SPATA3: variants seen among roughly 807,000 people sequenced by gnomAD.
SPATA3 encodes the protein spermatogenesis-associated protein 3.
A neutral mutation model predicts 5.7 loss-of-function variants in SPATA3; 6 were observed. The ratio of observed to expected loss-of-function variants is 1.06; its 90% CI spans 0.58 to 2.09. The LOEUF (loss-of-function observed/expected upper bound fraction) is 2.09, where lower values mean the gene tolerates loss of function less well. Ranked by LOEUF, SPATA3 falls within the 30% of genes most tolerant of loss-of-function variation. The pLI is 0.00. For missense variants in SPATA3, 155 were observed against 130.4 expected (o/e 1.19, Z -0.92); for synonymous variants, 44 against 48.4 (o/e 0.91, Z 0.37).
intron 6 of SPATA3, among the ~76,000 whole-genome samples, chr2:231,019,306 A>G (rs1693017248): frequency 6.9e-6 from 1 of 145,190 alleles, no homozygotes; most frequent in South Asian, 2.2e-4. Flanking sequence ...CTACTAACAG[A>G]TACTTAAGTT....
At chr2:231,005,412 T>C (rs1468695092), downstream of SPATA3, among the ~76,000 whole-genome samples, 50 of 15,054 alleles carry the variant, frequency 3.3e-3, no homozygotes, top group Admixed American at 4.9e-3. Context: ...ACCACCAGTA[T>C]CAGCATCATC....
rs559830626 is a variant in SPATA3 at position 231,002,548 on chromosome 2, T to C, written c.963-136T>C. ...GGATGGGAAGAATTAAATGCTCTCC[T>C]AAGAGGAGTTTGGAGAGGGGGAAGA... On this transcript the variant is annotated intron_variant, in intron 2 of 2. Transcript: ENST00000645363. The C allele has an allele frequency of 2.9e-5, 15 of 516,298 alleles. No individual in the cohort carries two copies. The South Asian group carries it at 5.2e-4, about 18-fold the overall frequency. The allele number at this position is 516,298 out of a possible 1,614,324, so 32.0% of individuals were successfully genotyped here. A position where few individuals can be genotyped will look rare whatever the true frequency, so the allele number is the denominator to read the frequency against.
At chr2:230,997,798 C>T (rs1692185931) in intron 1 of SPATA3, among the ~76,000 whole-genome samples, 1 of 152,206 alleles carries the variant, frequency 6.6e-6, no homozygotes, top group South Asian at 2.1e-4. Flanking sequence ...ATACTACTAA[C>T]AATAATGGTG....
chr2:231,009,903 A>G (rs891763719), downstream of SPATA3, among the ~76,000 whole-genome samples: 5 of 152,254 alleles, frequency 3.3e-5, no homozygotes, highest in Non-Finnish European at 7.3e-5. Context: ...AGTGAGTGTG[A>G]TATTCAGAGT....
At chr2:231,016,059 C>T (rs1692926224) in intron 6 of SPATA3, among the ~76,000 whole-genome samples, 1 of 152,186 alleles carries the variant, frequency 6.6e-6, no homozygotes, top group Non-Finnish European at 1.5e-5. Flanking sequence ...CCTGTCTGTG[C>T]CCCATCCCCA....
chr2:231,010,913 T>TAA (rs58404200), downstream of SPATA3, among the ~76,000 whole-genome samples: 2 of 131,868 alleles, frequency 1.5e-5, no homozygotes, highest in Non-Finnish European at 3.3e-5. Flanking sequence ...TGTATTTTTC[T>TAA]AAAAAAAAAA....
At chr2:231,005,419 C>CGCG (rs1692566252), downstream of SPATA3, among the ~76,000 whole-genome samples, 1 of 107,192 alleles carries the variant, frequency 9.3e-6, no homozygotes, top group Non-Finnish European at 2.0e-5. Flanking sequence ...GTATCAGCAT[C>CGCG]ATCACCACCA....
exon 7 of SPATA3, chr2:231,019,756 T>A (rs1293711687): frequency 6.6e-6 from 1 of 151,104 alleles, no homozygotes; most frequent in Non-Finnish European, 1.5e-5. Flanking sequence ...GCCCTGCACT[T>A]CTTGTTCCAT....
rs116422909 is a variant in SPATA3 at position 230,998,561 on chromosome 2, A to G, written c.791-1805A>G. Among the ~76,000 whole-genome samples, 92 of 152,356 alleles carry G rather than the reference A, an allele frequency of 6.0e-4. 1 individual carries two copies. Among genetic ancestry groups the G allele is most frequent in the African/African-American group, 2.2e-3 (92 of 41,588 alleles). On this transcript the variant is annotated intron_variant, in intron 1 of 2. Coordinates refer to ENST00000645363, the Ensembl canonical transcript of SPATA3. The stretch of plus-strand genomic sequence containing the variant: ...CAGCAGACACCCTATACTTCTTCCA[A>G]AGGAATTCTCTGCGTAGAAAGGAAT...
downstream of SPATA3, among the ~76,000 whole-genome samples, chr2:231,003,419 G>T (rs1203450555): frequency 6.6e-6 from 1 of 152,066 alleles, no homozygotes; most frequent in Non-Finnish European, 1.5e-5. Flanking sequence ...GAATGGACAG[G>T]TTTATTGAGG....
downstream of SPATA3, among the ~76,000 whole-genome samples, chr2:231,005,016 T>TCAC (rs1303725466): frequency 3.0e-5 from 3 of 98,528 alleles, no homozygotes; most frequent in African/African-American, 8.4e-5. Flanking sequence ...ACCACCATCA[T>TCAC]CACCATCACC....
chr2:231,002,760 G>A, exon 3 of SPATA3: 1 of 1,526,676 alleles, frequency 6.6e-7, no homozygotes, highest in Non-Finnish European at 8.8e-7. Context: ...TGGCTCTGGG[G>A]GCTCTAGGAG....
intron 1 of SPATA3, among the ~76,000 whole-genome samples, chr2:230,997,225 G>A (rs943242663): frequency 9.2e-5 from 14 of 152,144 alleles, no homozygotes; most frequent in Non-Finnish European, 1.5e-4. Flanking sequence ...TGGTGTTCTC[G>A]TGATAGTGAA....
intron 6 of SPATA3, among the ~76,000 whole-genome samples, chr2:231,015,812 G>A (rs6750732): frequency 6.6e-6 from 1 of 152,142 alleles, no homozygotes; most frequent in Admixed American, 6.5e-5. Flanking sequence ...GGCCCTCTAC[G>A]GAAAGCTTTC....
downstream of SPATA3, among the ~76,000 whole-genome samples, chr2:231,012,048 C>G (rs1427933705): frequency 6.6e-6 from 1 of 152,172 alleles, no homozygotes; most frequent in Non-Finnish European, 1.5e-5. Context: ...TGCGAGCTAG[C>G]GAATGAGGAG....
At chr2:231,008,835 C>G (rs959275862), downstream of SPATA3, among the ~76,000 whole-genome samples, 11 of 152,306 alleles carry the variant, frequency 7.2e-5, no homozygotes, top group African/African-American at 2.6e-4. Flanking sequence ...ATGTGGCTTG[C>G]TCCAGGGGCA....
intron 1 of SPATA3, among the ~76,000 whole-genome samples, chr2:231,000,084 C>T (rs925813746): frequency 6.6e-6 from 1 of 152,206 alleles, no homozygotes; most frequent in South Asian, 2.1e-4. Context: ...TTGTTGTCGT[C>T]GCTGTTGCTA....
At chr2:231,019,570 C>T (rs539005899) in intron 6 of SPATA3, 2 of 151,278 alleles carry the variant, frequency 1.3e-5, no homozygotes, top group East Asian at 2.0e-4. Context: ...GTGATTCACC[C>T]ACCTCGGCCT....
At chr2:231,014,072 G>A (rs182620455) in exon 6 of SPATA3, 1 of 152,062 alleles carries the variant, frequency 6.6e-6, no homozygotes, top group Non-Finnish European at 1.5e-5. Flanking sequence ...ATTCCTTGGG[G>A]GTTAGACACC....
Sources: gnomAD v4.1 joint callset for allele counts (sites outside exome capture counted in the v4.1 genomes callset) on GRCh38, gnomAD v4.1.1 for gene constraint, MANE v1.5 for transcripts, NCBI Gene and HGNC (gene_info 2026-07-23, HGNC 2026-07-21) for gene names.